SIPA1L3: variants seen among roughly 807,000 people sequenced by gnomAD.
SIPA1L3 encodes signal induced proliferation associated 1 like 3.
In SIPA1L3, 59 loss-of-function variants were observed where a neutral mutation model predicts 150.1. That is an observed-to-expected ratio of 0.39 (90% CI 0.32 to 0.49). The LOEUF (loss-of-function observed/expected upper bound fraction) is 0.49. Ranked by LOEUF, SIPA1L3 falls within the 20% of genes least tolerant of loss-of-function variation. SIPA1L3 has a pLI of 0.86. For missense variants in SIPA1L3, 2,211 were observed against 2,489.5 expected, an observed-to-expected ratio of 0.89 and a Z score of 2.38; for synonymous variants, 1,070 against 1,077.6, an observed-to-expected ratio of 0.99 and a Z score of 0.14.
chr19:38,141,328 C>T lies in SIPA1L3; in HGVS notation c.3288C>T (p.Ser1096=). 1 of 1,614,066 alleles carries T rather than the reference C, an allele frequency of 6.2e-7. No individual in the cohort carries two copies. Among genetic ancestry groups the T allele is most frequent in the Admixed American group, 1.7e-5 (1 of 60,012 alleles). ...GPASHNSLPA[S]KWATPTTPGH... is the part of the protein sequence containing the mutation. ...CATCCCATAACTCTCTACCAGCCTC[C>T]AAGTGGGCCACTCCAACCACTCCCG... The change falls in exon 11 of 22, where the codon TCC becomes TCT. Residue 1096 remains serine (S), a synonymous_variant. Transcript: ENST00000222345.
chr19:37,923,757 T>G (rs894790789), intron 1 of SIPA1L3, among the ~76,000 whole-genome samples: 15 of 144,892 alleles, frequency 1.0e-4, no homozygotes, highest in African/African-American at 3.8e-4. Context: ...ACTGTTTGGG[T>G]TTTTTTTTTT....
At chr19:38,192,379 G>A in intron 17 of SIPA1L3, 69 bp downstream of exon 17, 1 of 1,423,990 alleles carries the variant, frequency 7.0e-7, no homozygotes, top group South Asian at 1.4e-5. Context: ...GGGCAGGCAA[G>A]GAGAAGGGCT....
chr19:38,024,751 G>A (rs543615253), intron 1 of SIPA1L3, among the ~76,000 whole-genome samples: 108 of 152,182 alleles, frequency 7.1e-4, no homozygotes, highest in African/African-American at 2.0e-3. Context: ...GTTTTGTTTC[G>A]TCAGCTTCTT....
intron 1 of SIPA1L3, among the ~76,000 whole-genome samples, chr19:37,990,438 G>A (rs1244025436): frequency 6.6e-6 from 1 of 152,226 alleles, no homozygotes; most frequent in African/African-American, 2.4e-5. Context: ...GAATACCTGT[G>A]GAACTTTGGC....
intron 1 of SIPA1L3, among the ~76,000 whole-genome samples, chr19:37,967,257 CT>C (rs1176245908): frequency 0.011 from 1,563 of 143,220 alleles, 25 homozygotes; most frequent in African/African-American, 0.035. Flanking sequence ...CCCCCCCACC[CT>C]TTTTTTTTTT....
intron 9 of SIPA1L3, among the ~76,000 whole-genome samples, chr19:38,123,413 C>G (rs537264552): frequency 1.6e-4 from 24 of 149,118 alleles, no homozygotes; most frequent in African/African-American, 5.7e-4. Flanking sequence ...GACCCTGCGG[C>G]CTTCCGCAGT....
chr19:37,908,431 A>G (rs193174743), intron 1 of SIPA1L3, among the ~76,000 whole-genome samples: 30 of 152,296 alleles, frequency 2.0e-4, no homozygotes, highest in African/African-American at 7.2e-4. Context: ...GTGGGCTGTG[A>G]CATGACAGCC....
intron 1 of SIPA1L3, among the ~76,000 whole-genome samples, chr19:37,966,297 C>T (rs2046903587): frequency 6.6e-6 from 1 of 152,204 alleles, no homozygotes; most frequent in Non-Finnish European, 1.5e-5. Flanking sequence ...GGGCACCTGC[C>T]AGCCACACAT....
In SIPA1L3 at chr19:38,100,030, G is replaced by C. The variant is rs1272862835; in HGVS notation, c.1734G>C (p.Arg578=). ...CAGCCACCAAGCATGGGACCGGGCG[G>C]GGCCTGCCCTTGAAGGATGCCCTGG... ...TPTATKHGTG[R]GLPLKDALEY... is the part of the protein sequence containing the mutation. The change falls in exon 5 of 22, where the codon CGG becomes CGC. Residue 578 remains arginine, a synonymous_variant. Coordinates refer to ENST00000222345, the MANE Select transcript of SIPA1L3 (RefSeq NM_015073.3). 6.2e-7 allele frequency: 1 copy of C among 1,612,122 alleles called. No individual in the cohort carries two copies. Among genetic ancestry groups the C allele is most frequent in the Non-Finnish European group, 8.5e-7 (1 of 1,179,270 alleles).
chr19:38,043,420 T>G (rs879453080), intron 2 of SIPA1L3, among the ~76,000 whole-genome samples: 1 of 152,060 alleles, frequency 6.6e-6, no homozygotes, highest in Non-Finnish European at 1.5e-5. Flanking sequence ...AAAAAGCAGA[T>G]CCACAGTCCC....
In SIPA1L3 at chr19:38,101,079, C is replaced by T. The variant is rs753125890; in HGVS notation, c.1882C>T (p.Leu628Phe). The change falls in exon 6 of 22, where the codon CTC becomes TTC. Residue 628 changes from leucine (L) to phenylalanine (F), a missense_variant. Physicochemically the swap from Leu to Phe is conservative, Grantham distance 22. Around this residue, in one of 5 missense-constraint regions of SIPA1L3, gnomAD observed 625 missense variants for 804.2 expected, o/e 0.78. Transcript: ENST00000222345. ...GLCRKHKVGILYCKAGQSSEE... is the reference protein window; with the variant it reads ...GLCRKHKVGIFYCKAGQSSEE... ...CTGCCGGAAGCACAAGGTGGGCATC[C>T]TCTATTGCAAGGCCGGCCAGAGCTC... 6.3e-7 allele frequency: 1 copy of T among 1,584,148 alleles called. No homozygotes were observed. The highest frequency in any genetic ancestry group is 1.1e-5 in the South Asian group (1 of 87,302).
At chr19:37,938,571 TTCTGGATATTGCTTG>T (rs2046622300) in intron 1 of SIPA1L3, among the ~76,000 whole-genome samples, 1 of 152,140 alleles carries the variant, frequency 6.6e-6, no homozygotes, top group Non-Finnish European at 1.5e-5. Flanking sequence ...ATGTTTCTCC[TTCTGGATATTGCTTG>T]CTCATCACAT....
intron 15 of SIPA1L3, among the ~76,000 whole-genome samples, chr19:38,181,102 G>T (rs57910731): frequency 6.6e-6 from 1 of 152,086 alleles, no homozygotes; most frequent in African/African-American, 2.4e-5. Context: ...GGAAGAGGTG[G>T]GGGGAGGACA....
intron 2 of SIPA1L3, among the ~76,000 whole-genome samples, chr19:38,053,848 G>T (rs1435995246): frequency 6.6e-6 from 1 of 152,002 alleles, no homozygotes; most frequent in East Asian, 2.0e-4. Flanking sequence ...TTACAGGCGT[G>T]AGCCGCCGCG....
intron 1 of SIPA1L3, among the ~76,000 whole-genome samples, chr19:37,923,391 A>G (rs1211756011): frequency 6.6e-6 from 1 of 152,240 alleles, no homozygotes; most frequent in Non-Finnish European, 1.5e-5. Flanking sequence ...CCACAAACCT[A>G]CACACATGTG....
At chr19:37,934,097 C>T (rs908801429) in intron 1 of SIPA1L3, among the ~76,000 whole-genome samples, 11 of 152,098 alleles carry the variant, frequency 7.2e-5, no homozygotes, top group Admixed American at 2.6e-4. Flanking sequence ...AGAATCTGAC[C>T]GTGTAATAGC....
At chr19:38,048,565 G>A (rs955923468) in intron 2 of SIPA1L3, among the ~76,000 whole-genome samples, 1 of 152,144 alleles carries the variant, frequency 6.6e-6, no homozygotes, top group African/African-American at 2.4e-5. Context: ...TGACCAACTG[G>A]GTTCTGTTGT....
chr19:38,067,055 AG>A, intron 2 of SIPA1L3, among the ~76,000 whole-genome samples: 1 of 150,908 alleles, frequency 6.6e-6, no homozygotes, highest in South Asian at 2.1e-4. Context: ...TGGGCAACGT[AG>A]CAAGACCCAG....
At chr19:38,066,373 T>G (rs1969592688) in intron 2 of SIPA1L3, among the ~76,000 whole-genome samples, 1 of 152,142 alleles carries the variant, frequency 6.6e-6, no homozygotes, top group Admixed American at 6.6e-5. Context: ...GCACCCGGAT[T>G]CACTTAACCC....
Sources: allele counts gnomAD v4.1 joint callset (sites outside exome capture counted in the v4.1 genomes callset), GRCh38; gene constraint gnomAD v4.1.1; regional missense constraint gnomAD v4.1.1; transcripts MANE v1.5; gene names NCBI Gene and HGNC (gene_info 2026-07-23, HGNC 2026-07-21).